Variants in ABCC11 observed in about 807,000 individuals in gnomAD.
The protein encoded by ABCC11 is ATP binding cassette subfamily C member 11.
In ABCC11, 135 loss-of-function variants were observed where a neutral mutation model predicts 149.3. The observed-to-expected ratio is 0.90, with a 90% CI of 0.79 to 1.04. The LOEUF is 1.04. Among genes scored for constraint, ABCC11 ranks in the 50% least tolerant of loss-of-function variants. ABCC11 has a pLI of 0.00. For synonymous variants in ABCC11, 665 were observed against 671.4 expected (o/e 0.99, Z 0.15); for missense variants, 1,680 against 1,722.1 (o/e 0.98, Z 0.43).
Position 48,167,611 on chromosome 16 carries a change from G to T in ABCC11, c.3941C>A (p.Thr1314Asn). ...TTCACGGATTGTGCGCTGGATCAGGGTGTCTGTCTCCATGTCAATGGAGGC... is the reference window on the plus strand; with the variant it reads ...TTCACGGATTGTGCGCTGGATCAGGTTGTCTGTCTCCATGTCAATGGAGGC... The part of the protein sequence containing the change: ...ATASIDMETD[T>N]LIQRTIREAF... Residue 1314 changes from threonine to asparagine, a missense_variant, in exon 29 of 30, where the codon ACC becomes AAC. Physicochemically the swap from Thr to Asn is moderately conservative, Grantham distance 65 (BLOSUM62 0). Transcript: ENST00000356608. The T allele has an allele frequency of 1.9e-6, 3 of 1,612,410 alleles. No individual in the cohort carries two copies. Among genetic ancestry groups the T allele is most frequent in the Non-Finnish European group, 2.5e-6 (3 of 1,180,012 alleles).
In ABCC11 at chr16:48,227,950, T is replaced by G; in HGVS notation, c.251A>C (p.Gln84Pro). 6.2e-7 allele frequency: 1 copy of G among 1,612,304 alleles called. No homozygotes were observed. Among genetic ancestry groups the G allele is most frequent in the Non-Finnish European group, 8.5e-7 (1 of 1,179,132 alleles). Residue 84 changes from glutamine to proline, a missense_variant, in exon 4 of 30, where the codon CAG becomes CCG. By Grantham distance (76) the Gln-to-Pro change is moderately conservative. Coordinates refer to ENST00000356608, the MANE Select transcript of ABCC11 (RefSeq NM_001370497.1). ...GAACAGGCCAGCATTGTCCAGGGGC[T>G]GGGGGGCAGGAAACCTAGTAGAGGG... ...FRPKPRFPAP[Q>P]PLDNAGLFSY...
At chr16:48,196,967 G>C (rs965151058) in intron 17 of ABCC11, among the ~76,000 whole-genome samples, 1 of 148,988 alleles carries the variant, frequency 6.7e-6, no homozygotes, top group Non-Finnish European at 1.5e-5. Flanking sequence ...TCTTTTTCTG[G>C]AATTTTAATC....
chr16:48,216,549 C>T (rs181368153), intron 6 of ABCC11, among the ~76,000 whole-genome samples: 158 of 152,280 alleles, frequency 1.0e-3, no homozygotes, highest in Non-Finnish European at 5.3e-4. Context: ...TGTGAGATTT[C>T]AATAACATAG....
At position 48,167,539 on chromosome 16, in the gene ABCC11, G is replaced by A; in HGVS notation, c.4013C>T (p.Thr1338Ile). Reference protein sequence around the residue: ...TVLVIAHRVTTVLNCDHILVM... With the variant: ...TVLVIAHRVTIVLNCDHILVM... Reference sequence around the variant, plus strand: ...CAGGATGTGGTCACAGTTCAGCACAGTGGTGACACGGTGGGCAATGACGAG... The same window carrying A: ...CAGGATGTGGTCACAGTTCAGCACAATGGTGACACGGTGGGCAATGACGAG... Residue 1338 changes from threonine (T) to isoleucine (I), a missense_variant, in exon 29 of 30, where the codon ACT becomes ATT. Thr to Ile is a moderately conservative substitution (Grantham distance 89). Transcript: ENST00000356608. 1 of 1,614,182 alleles carries A rather than the reference G, an allele frequency of 6.2e-7. No homozygotes were observed. Among genetic ancestry groups the A allele is most frequent in the Non-Finnish European group, 8.5e-7 (1 of 1,180,044 alleles).
chr16:48,165,118 GCTCC>G (rs1229635190), downstream of ABCC11: 1 of 151,992 alleles, frequency 6.6e-6, no homozygotes, highest in Non-Finnish European at 1.5e-5. Flanking sequence ...TGTGTAGAGA[GCTCC>G]CTCACCCGTG....
Position 48,187,244 on chromosome 16 carries a change from A to G in ABCC11, c.2890T>C (p.Leu964=). Residue 964 remains leucine (L), a synonymous_variant, in exon 21 of 30, where the codon TTA becomes CTA. Transcript: ENST00000356608. ...ATAACCATGATTATGGCTCCCATTA[A>G]CAGGATATATGGAGACAGCACACTG... ...IVSVLSPYIL[L]MGAIIMVICF... is the part of the protein sequence containing the mutation. The G allele has an allele frequency of 6.2e-7, 1 of 1,614,208 alleles. No individual in the cohort carries two copies. Among genetic ancestry groups the G allele is most frequent in the Non-Finnish European group, 8.5e-7 (1 of 1,180,030 alleles).
intron 3 of ABCC11, among the ~76,000 whole-genome samples, chr16:48,228,181 A>G (rs1032523834): frequency 6.6e-6 from 1 of 152,110 alleles, no homozygotes; most frequent in Non-Finnish European, 1.5e-5. Context: ...TACCCATACT[A>G]TAAAATGCAA....
At chr16:48,233,114 T>A (rs1970513663) in intron 1 of ABCC11, among the ~76,000 whole-genome samples, 1 of 152,170 alleles carries the variant, frequency 6.6e-6, no homozygotes, top group South Asian at 2.1e-4. Context: ...GGCAGAAGTA[T>A]AACTTGATCC....
chr16:48,228,360 G>A (rs1409602158), intron 3 of ABCC11, among the ~76,000 whole-genome samples: 3 of 152,040 alleles, frequency 2.0e-5, no homozygotes, highest in Non-Finnish European at 4.4e-5. Context: ...TTGGGAGGCC[G>A]AGGAGGGTGG....
Position 48,230,502 on chromosome 16 carries a change from A to T in ABCC11, c.171T>A (p.Ala57=). 2 of 1,612,772 alleles carry T rather than the reference A, an allele frequency of 1.2e-6. No individual in the cohort carries two copies. Among genetic ancestry groups the T allele is most frequent in the Non-Finnish European group, 1.7e-6 (2 of 1,179,388 alleles). ...ERNPEAPGRA[A]VPPWGKYDAA... Reference sequence around the variant, plus strand: ...CATCATACTTCCCCCACGGTGGGACAGCTGCCCTCCCTGGAGCCTCAGGAT... The same window carrying T: ...CATCATACTTCCCCCACGGTGGGACTGCTGCCCTCCCTGGAGCCTCAGGAT... Residue 57 remains alanine (A), a synonymous_variant, in exon 3 of 30, where the codon GCT becomes GCA. Coordinates refer to ENST00000356608, the MANE Select transcript of ABCC11 (RefSeq NM_001370497.1).
chr16:48,222,690 G>A lies in ABCC11; in HGVS notation c.685C>T (p.Arg229Cys), dbSNP rs371616371. Residue 229 changes from arginine (R) to cysteine (C), a missense_variant, in exon 6 of 30, where the codon CGC becomes TGC. Transcript: ENST00000356608. Reference sequence around the variant, plus strand: ...GCTGCTCGGAACCTGATGGCTGTGCGTTGGTTGATGATCCAACTGGAGGAG... The same window carrying A: ...GCTGCTCGGAACCTGATGGCTGTGCATTGGTTGATGATCCAACTGGAGGAG... ...SFSSSWIINQ[R>C]TAIRFRAAVS... 1.8e-5 allele frequency: 29 copies of A among 1,614,088 alleles called. No individual in the cohort carries two copies. The highest frequency in any genetic ancestry group is 9.3e-5 in the African/African-American group (7 of 74,924).
chr16:48,219,567 T>C lies in ABCC11; in HGVS notation c.777+3031A>G, dbSNP rs547906186. On this transcript the variant is annotated intron_variant, in intron 6 of 29. Transcript: ENST00000356608. ...GAAACTAGGCCTAAGGCAACTTCTA[T>C]ACTATTTTATTTTGTTTCCAAGGAG... is the stretch of plus-strand genomic sequence containing the variant. Among the ~76,000 whole-genome samples, 7 of 152,364 alleles carry C rather than the reference T, an allele frequency of 4.6e-5. No individual in the cohort carries two copies. The South Asian group carries it at 1.5e-3, about 32-fold the overall frequency.
At chr16:48,168,065 G>A (rs1047709039) in intron 28 of ABCC11, among the ~76,000 whole-genome samples, 6 of 152,208 alleles carry the variant, frequency 3.9e-5, no homozygotes, top group Admixed American at 6.5e-5. Flanking sequence ...ATTCTTTTTA[G>A]TTTAACATTT....
Position 48,198,228 on chromosome 16 carries a change from G to A in ABCC11, c.2130C>T (p.Ile710=). 1 of 1,614,134 alleles carries A rather than the reference G, an allele frequency of 6.2e-7. No individual in the cohort carries two copies. Among genetic ancestry groups the A allele is most frequent in the Non-Finnish European group, 8.5e-7 (1 of 1,180,024 alleles). Residue 710 remains isoleucine (I), a synonymous_variant, in exon 16 of 30, where the codon ATC becomes ATT. Transcript: ENST00000356608. ...ACTCACTGTGAGTTCCATTTTCACA[G>A]ATTTTCCCATTTTCCAACAAAATGA... ...GQIILLENGK[I]CENGTHSELM...
chr16:48,198,586 A>T (rs1209714684), intron 15 of ABCC11, among the ~76,000 whole-genome samples: 1 of 152,192 alleles, frequency 6.6e-6, no homozygotes. Flanking sequence ...TACCCAAAAA[A>T]ACTCTCAAAC....
chr16:48,207,777 C>T (rs989554280), intron 12 of ABCC11, among the ~76,000 whole-genome samples: 1 of 152,082 alleles, frequency 6.6e-6, no homozygotes, highest in Non-Finnish European at 1.5e-5. Context: ...ATCCACATGG[C>T]AGCAGACCTC....
At position 48,166,014 on chromosome 16, in the gene ABCC11, C is replaced by T. The variant is rs1203981570; in HGVS notation, c.*1260G>A. Among the ~76,000 whole-genome samples the T allele has an allele frequency of 6.6e-6, 1 of 152,198 alleles. No homozygotes were observed. Among genetic ancestry groups the T allele is most frequent in the Non-Finnish European group, 1.5e-5 (1 of 68,042 alleles). Reference sequence around the variant, plus strand: ...TTGTCATACGTTGTAAGTTATGCTGCTCTTCAGTAAACAATCATAGTAGAC... The same window carrying T: ...TTGTCATACGTTGTAAGTTATGCTGTTCTTCAGTAAACAATCATAGTAGAC... On this transcript the variant is annotated 3_prime_UTR_variant, in exon 30 of 30. Coordinates refer to ENST00000356608, the MANE Select transcript of ABCC11 (RefSeq NM_001370497.1).
Position 48,197,182 on chromosome 16 carries a change from G to A in ABCC11, c.2314+789C>T, listed in dbSNP as rs113760906. Among the ~76,000 whole-genome samples the A allele has an allele frequency of 7.4e-3, 1,120 of 152,162 alleles. 14 individuals carry two copies. Among genetic ancestry groups the A allele is most frequent in the African/African-American group, 0.026 (1,071 of 41,512 alleles). ...TCTACTAAAAATACAAAAATTAGCC[G>A]GTGTGGTGGTGCGTGCCTGTAGTCC... On this transcript the variant is annotated intron_variant, in intron 17 of 29. Transcript: ENST00000356608.
chr16:48,244,516 G>C (rs1039698220), intron 1 of ABCC11: 1 of 1,589,686 alleles, frequency 6.3e-7, no homozygotes, highest in African/African-American at 1.3e-5. Context: ...CAGCTGGTGC[G>C]GAGCCGCCTT....
Sources: gnomAD v4.1 joint callset for allele counts (sites outside exome capture counted in the v4.1 genomes callset) on GRCh38, gnomAD v4.1.1 for gene constraint, MANE v1.5 for transcripts, NCBI Gene and HGNC (gene_info 2026-07-23, HGNC 2026-07-21) for gene names.